The following MGAT4C variants were observed in gnomAD, a reference collection of about 807,000 sequenced individuals.
The protein encoded by MGAT4C is MGAT4 family member C.
In MGAT4C, 19 loss-of-function variants were observed where a neutral mutation model predicts 40.1. The ratio of observed to expected loss-of-function variants is 0.47; its 90% CI spans 0.33 to 0.70. The LOEUF (loss-of-function observed/expected upper bound fraction) is 0.70, where lower values mean the gene tolerates loss of function less well. MGAT4C is among the 30% of genes least tolerant of loss of function. The pLI, the probability that MGAT4C is intolerant of heterozygous loss-of-function variation, is 0.02. For missense variants in MGAT4C, 491 were observed against 563.2 expected, an observed-to-expected ratio of 0.87 and a Z score of 1.30; for synonymous variants, 181 against 187.1, an observed-to-expected ratio of 0.97 and a Z score of 0.27.
intron 1 of MGAT4C, among the ~76,000 whole-genome samples, chr12:86,088,440 C>T (rs1250405883): frequency 6.6e-6 from 1 of 151,930 alleles, no homozygotes; most frequent in African/African-American, 2.4e-5. Flanking sequence ...ACACAACCTA[C>T]AGAATAGTGG....
chr12:86,583,315 G>T (rs973785931), intron 2 of MGAT4C, among the ~76,000 whole-genome samples: 3 of 151,128 alleles, frequency 2.0e-5, no homozygotes, highest in African/African-American at 4.8e-5. Flanking sequence ...GGACATTCAG[G>T]CTATCAAAAT....
chr12:86,497,480 T>C (rs944739944), intron 2 of MGAT4C, among the ~76,000 whole-genome samples: 6 of 151,932 alleles, frequency 3.9e-5, no homozygotes, highest in Non-Finnish European at 8.8e-5. Flanking sequence ...TGCTAATGTG[T>C]TCAGACCTAA....
intron 2 of MGAT4C, among the ~76,000 whole-genome samples, chr12:86,612,988 T>C (rs1422028445): frequency 2.6e-5 from 4 of 152,172 alleles, no homozygotes; most frequent in East Asian, 3.9e-4. Context: ...CTTTTGATGA[T>C]AACATGACCA....
chr12:86,010,555 G>A (rs564448331), intron 2 of MGAT4C, among the ~76,000 whole-genome samples: 20 of 152,258 alleles, frequency 1.3e-4, no homozygotes, highest in East Asian at 3.9e-4. Flanking sequence ...GTGCACACCC[G>A]TAATCTCAGT....
intron 2 of MGAT4C, among the ~76,000 whole-genome samples, chr12:86,481,489 T>C (rs1957936772): frequency 6.6e-6 from 1 of 152,078 alleles, no homozygotes; most frequent in South Asian, 2.1e-4. Context: ...CCAGAATTTA[T>C]ATTTTTTAAA....
chr12:86,175,631 T>C (rs1887321172), intron 1 of MGAT4C, among the ~76,000 whole-genome samples: 1 of 152,050 alleles, frequency 6.6e-6, no homozygotes, highest in African/African-American at 2.4e-5. Context: ...GTGGTAGTTC[T>C]CAAACTTTAA....
At chr12:86,774,349 C>T (rs1376501069) in intron 1 of MGAT4C, among the ~76,000 whole-genome samples, 979 of 16,512 alleles carry the variant, frequency 0.059, 27 homozygotes, top group Middle Eastern at 0.083. Flanking sequence ...CTGTCTCTCT[C>T]TCTCCCCTCT....
intron 2 of MGAT4C, among the ~76,000 whole-genome samples, chr12:86,703,426 A>C (rs1950398182): frequency 6.6e-6 from 1 of 152,122 alleles, no homozygotes; most frequent in Non-Finnish European, 1.5e-5. Context: ...GATTTTAAGA[A>C]ATTACCATAG....
chr12:86,779,731 G>A (rs1270243139), intron 1 of MGAT4C, among the ~76,000 whole-genome samples: 3 of 152,014 alleles, frequency 2.0e-5, no homozygotes, highest in Non-Finnish European at 4.4e-5. Flanking sequence ...GGCTAACGCG[G>A]TGAAACCTCA....
intron 2 of MGAT4C, among the ~76,000 whole-genome samples, chr12:85,999,565 A>ATGTGTG (rs1290099806): frequency 2.0e-5 from 2 of 100,244 alleles, no homozygotes; most frequent in African/African-American, 6.0e-5. Flanking sequence ...GGTAAAGAAA[A>ATGTGTG]TGTGTGTGTG....
intron 2 of MGAT4C, among the ~76,000 whole-genome samples, chr12:86,603,420 G>C (rs1230575315): frequency 8.6e-6 from 1 of 115,818 alleles, no homozygotes; most frequent in East Asian, 2.3e-4. Flanking sequence ...AGTATATATA[G>C]TATATAGTAT....
intron 3 of MGAT4C, among the ~76,000 whole-genome samples, chr12:86,369,354 GAACT>G (rs758497931): frequency 1.3e-5 from 2 of 151,866 alleles, no homozygotes; most frequent in African/African-American, 2.4e-5. Context: ...GGAACTGTAA[GAACT>G]TACTATTGCC....
intron 2 of MGAT4C, among the ~76,000 whole-genome samples, chr12:86,465,067 A>G (rs183208538): frequency 6.6e-6 from 1 of 152,238 alleles, no homozygotes; most frequent in Non-Finnish European, 1.5e-5. Flanking sequence ...CTAGTAAACA[A>G]TTAGGTCATA....
intron 2 of MGAT4C, among the ~76,000 whole-genome samples, chr12:86,025,036 G>GGTCA (rs1171220044): frequency 6.7e-6 from 1 of 150,252 alleles, no homozygotes; most frequent in African/African-American, 2.4e-5. Flanking sequence ...TTTTCCTCTT[G>GGTCA]GTCACAGATT....
chr12:86,468,938 C>T (rs1301407094), intron 2 of MGAT4C, among the ~76,000 whole-genome samples: 1 of 152,020 alleles, frequency 6.6e-6, no homozygotes, highest in Non-Finnish European at 1.5e-5. Flanking sequence ...CTGTCAATTC[C>T]CTCTAGTCTT....
chr12:86,270,237 T>C (rs1365369258), intron 4 of MGAT4C, among the ~76,000 whole-genome samples: 3 of 152,042 alleles, frequency 2.0e-5, no homozygotes, highest in Non-Finnish European at 2.9e-5. Flanking sequence ...CAGCTAATTT[T>C]TGGCACTTTT....
At chr12:86,072,706 A>T (rs1031094199) in intron 1 of MGAT4C, among the ~76,000 whole-genome samples, 9 of 152,158 alleles carry the variant, frequency 5.9e-5, no homozygotes, top group African/African-American at 2.2e-4. Flanking sequence ...GAAAGTTGTG[A>T]GGGAGAGAAA....
chr12:85,972,245 A>T lies in MGAT4C; in HGVS notation c.*7044T>A, dbSNP rs1014639521. On this transcript the variant is annotated 3_prime_UTR_variant, in exon 5 of 5. Transcript: ENST00000611864. ...TCTAATTATGTTTGTTTTAGAGCTT[A>T]AGAAATGTTAAGAAGAGAAGTTACA... The T allele has an allele frequency of 6.6e-6, 1 of 151,178 alleles. No homozygotes were observed. Among genetic ancestry groups the T allele is most frequent in the African/African-American group, 2.4e-5 (1 of 41,350 alleles). 9.4% of individuals were successfully genotyped at this position (151,178 alleles called of 1,614,324 possible). A position where few individuals can be genotyped will look rare whatever the true frequency, so the allele number is the denominator to read the frequency against.
chr12:86,130,819 G>A (rs1881063091), intron 1 of MGAT4C, among the ~76,000 whole-genome samples: 1 of 151,798 alleles, frequency 6.6e-6, no homozygotes, highest in Non-Finnish European at 1.5e-5. Flanking sequence ...ACTTACCACT[G>A]AGCTAAAACC....
Sources: gnomAD v4.1 joint callset for allele counts (sites outside exome capture counted in the v4.1 genomes callset) on GRCh38, gnomAD v4.1.1 for gene constraint, MANE v1.5 for transcripts, NCBI Gene and HGNC (gene_info 2026-07-23, HGNC 2026-07-21) for gene names.